Variants in LUZP2 observed in about 807,000 individuals in gnomAD.
The protein encoded by LUZP2 is leucine zipper protein 2.
A neutral mutation model predicts 51.6 loss-of-function variants in LUZP2; 52 were observed. The observed-to-expected ratio is 1.01, with a 90% confidence interval of 0.81 to 1.27. The LOEUF is 1.27. LUZP2 is among the 50% of genes most tolerant of loss of function. LUZP2 has a pLI of 0.00. For synonymous variants in LUZP2, 154 were observed against 137.3 expected, an observed-to-expected ratio of 1.12 and a Z score of -0.85; for missense variants, 436 against 395.4, an observed-to-expected ratio of 1.10 and a Z score of -0.87.
At chr11:24,944,347 T>G (rs966804990) in intron 7 of LUZP2, among the ~76,000 whole-genome samples, 1 of 152,204 alleles carries the variant, frequency 6.6e-6, no homozygotes, top group African/African-American at 2.4e-5. Context: ...GCATTCTGAC[T>G]CTAGGACCCT....
intron 7 of LUZP2, among the ~76,000 whole-genome samples, chr11:24,958,610 T>C (rs979095791): frequency 6.6e-6 from 1 of 152,110 alleles, no homozygotes; most frequent in Non-Finnish European, 1.5e-5. Context: ...GTTTGTTTTT[T>C]TCTTGTAAAT....
chr11:24,757,824 A>G (rs1859831153), intron 4 of LUZP2, among the ~76,000 whole-genome samples: 1 of 152,022 alleles, frequency 6.6e-6, no homozygotes, highest in South Asian at 2.1e-4. Flanking sequence ...TTAAATTGTA[A>G]ACAAAAGTCC....
intron 1 of LUZP2, among the ~76,000 whole-genome samples, chr11:24,592,087 T>C (rs922581513): frequency 1.3e-5 from 2 of 152,176 alleles, no homozygotes; most frequent in Non-Finnish European, 2.9e-5. Context: ...CCAGGGCACA[T>C]TCTGTGTGTG....
chr11:24,717,568 C>T (rs571068390), intron 1 of LUZP2, among the ~76,000 whole-genome samples: 4 of 143,764 alleles, frequency 2.8e-5, no homozygotes, highest in East Asian at 2.0e-4. Flanking sequence ...CCACCACGCC[C>T]GGCTAATTTT....
intron 10 of LUZP2, among the ~76,000 whole-genome samples, chr11:25,052,514 C>A (rs2134025929): frequency 6.6e-6 from 1 of 152,222 alleles, no homozygotes; most frequent in South Asian, 2.1e-4. Flanking sequence ...CTCTGGGGAG[C>A]TTTTAGAAAG....
chr11:24,510,327 G>A (rs753384415), intron 1 of LUZP2, among the ~76,000 whole-genome samples: 23 of 152,204 alleles, frequency 1.5e-4, no homozygotes, highest in Non-Finnish European at 2.2e-4. Flanking sequence ...AAAGAAGATG[G>A]TGCCTATGCA....
chr11:24,831,778 C>T (rs2631492), intron 5 of LUZP2: 23,862 of 152,454 alleles, frequency 0.16, 2,069 homozygotes, highest in African/African-American at 0.22. Context: ...TCTTTAAAAA[C>T]TTTGGAAAGG....
chr11:24,737,479 C>T (rs1858984810), intron 3 of LUZP2, among the ~76,000 whole-genome samples: 1 of 148,840 alleles, frequency 6.7e-6, no homozygotes, highest in Non-Finnish European at 1.5e-5. Flanking sequence ...AATATCTGAT[C>T]TATTTGAGGT....
intron 1 of LUZP2, among the ~76,000 whole-genome samples, chr11:24,688,896 GCTAGAAGAT>G (rs1482104054): frequency 6.6e-6 from 1 of 152,014 alleles, no homozygotes; most frequent in African/African-American, 2.4e-5. Context: ...CCATCTCCCA[GCTAGAAGAT>G]CTAGTTAAAG....
Position 24,739,820 on chromosome 11 carries a change from G to T in LUZP2, c.333+1518G>T, listed in dbSNP as rs1467874874. Among the ~76,000 whole-genome samples the T allele has an allele frequency of 2.6e-5, 4 of 152,162 alleles. No individual in the cohort carries two copies. The East Asian group carries it at 7.8e-4, about 30-fold the overall frequency. On this transcript the variant is annotated intron_variant, in intron 4 of 11. Transcript: ENST00000336930. ...AAAGTACAAAACTGTTTCATGTAAG[G>T]ATTCACTGTTATCTGTTCTGTTCAC...
chr11:24,933,784 G>T (rs1289657834), intron 7 of LUZP2, among the ~76,000 whole-genome samples: 1 of 152,168 alleles, frequency 6.6e-6, no homozygotes, highest in Admixed American at 6.5e-5. Context: ...AATTACCTGG[G>T]TGCAGGAGGG....
At chr11:24,949,836 T>G (rs1267764051) in intron 7 of LUZP2, among the ~76,000 whole-genome samples, 1 of 151,662 alleles carries the variant, frequency 6.6e-6, no homozygotes, top group Non-Finnish European at 1.5e-5. Context: ...TCTTTGAAAT[T>G]AGTTTGCGAA....
chr11:24,932,594 G>A (rs549700534), intron 7 of LUZP2, among the ~76,000 whole-genome samples: 2 of 152,212 alleles, frequency 1.3e-5, no homozygotes, highest in South Asian at 4.1e-4. Context: ...AGTTGGCAGT[G>A]AAACCAGCCT....
At position 24,976,578 on chromosome 11, in the gene LUZP2, T is replaced by C; in HGVS notation, c.523-13T>C. 3.2e-6 allele frequency: 5 copies of C among 1,567,334 alleles called. No homozygotes were observed. The highest frequency in any genetic ancestry group is 4.3e-6 in the Non-Finnish European group (5 of 1,159,076). On this transcript the variant is annotated splice_polypyrimidine_tract_variant and intron_variant, in intron 7 of 11. Transcript: ENST00000336930. ...GCAGAATTTATCTAGAAGATTTATC[T>C]CTTATTTTACAGGCGCAGCAGCTTA... is the stretch of plus-strand genomic sequence containing the variant.
intron 5 of LUZP2, among the ~76,000 whole-genome samples, chr11:24,788,288 C>CA (rs1361658676): frequency 2.1e-5 from 3 of 140,360 alleles, no homozygotes; most frequent in Non-Finnish European, 3.0e-5. Context: ...CTCCCAGGTT[C>CA]AAGTGACTCT....
intron 7 of LUZP2, among the ~76,000 whole-genome samples, chr11:24,922,370 G>C (rs1590734454): frequency 6.6e-6 from 1 of 152,148 alleles, no homozygotes; most frequent in Non-Finnish European, 1.5e-5. Context: ...GTATAACAGA[G>C]TGTCAGATTA....
chr11:24,835,460 G>A (rs997290019), intron 5 of LUZP2, among the ~76,000 whole-genome samples: 10 of 152,120 alleles, frequency 6.6e-5, no homozygotes, highest in African/African-American at 2.4e-4. Flanking sequence ...TTGACAAATT[G>A]GGTCTAATTA....
chr11:24,788,086 G>A (rs998941513), intron 5 of LUZP2, among the ~76,000 whole-genome samples: 14 of 151,900 alleles, frequency 9.2e-5, no homozygotes, highest in East Asian at 3.9e-4. Context: ...TCTTAAGTGG[G>A]CCCTTACTAC....
intron 7 of LUZP2, among the ~76,000 whole-genome samples, chr11:24,959,177 G>A (rs1400264797): frequency 1.3e-5 from 2 of 152,162 alleles, no homozygotes; most frequent in South Asian, 2.1e-4. Context: ...ATAGTTTGAA[G>A]TCAGGTAGTG....
Sources: allele counts gnomAD v4.1 joint callset (sites outside exome capture counted in the v4.1 genomes callset), GRCh38; gene constraint gnomAD v4.1.1; transcripts MANE v1.5; gene names NCBI Gene and HGNC (gene_info 2026-07-23, HGNC 2026-07-21).